The following CADPS variants were observed in gnomAD, a reference collection of about 807,000 sequenced individuals.
The protein encoded by CADPS is calcium-dependent secretion activator 1.
CADPS carries 57 observed loss-of-function variants against 167.3 expected under a neutral mutation model. The observed-to-expected ratio is 0.34, with a 90% CI of 0.28 to 0.42. The LOEUF is 0.42. CADPS is among the 20% of genes least tolerant of loss of function. CADPS has a pLI of 1.00. For synonymous variants in CADPS, 676 were observed against 635.3 expected (o/e 1.06, Z -0.96); for missense variants, 1,414 against 1,738.1 (o/e 0.81, Z 3.32).
intron 3 of CADPS, among the ~76,000 whole-genome samples, chr3:62,672,596 T>C (rs1286565151): frequency 6.6e-6 from 1 of 152,134 alleles, no homozygotes; most frequent in Non-Finnish European, 1.5e-5. Flanking sequence ...TGGCCCCTGG[T>C]CAATGTGAAT....
intron 1 of CADPS, among the ~76,000 whole-genome samples, chr3:62,803,770 C>T (rs543105506): frequency 6.6e-6 from 1 of 152,248 alleles, no homozygotes; most frequent in Admixed American, 6.5e-5. Context: ...TAAAAATCCT[C>T]TCGTTTTCCC....
intron 8 of CADPS, among the ~76,000 whole-genome samples, chr3:62,579,552 G>C (rs2082977551): frequency 6.6e-6 from 1 of 152,122 alleles, no homozygotes. Context: ...AGCGGGGCCA[G>C]GTAAGGCTTT....
At chr3:62,776,750 G>T (rs1288473158) in intron 1 of CADPS, among the ~76,000 whole-genome samples, 1 of 152,166 alleles carries the variant, frequency 6.6e-6, no homozygotes, top group African/African-American at 2.4e-5. Flanking sequence ...TTTCAGGCTT[G>T]CTGTGATATT....
intron 1 of CADPS, among the ~76,000 whole-genome samples, chr3:62,775,365 T>C (rs773852507): frequency 3.3e-5 from 5 of 152,160 alleles, no homozygotes; most frequent in African/African-American, 4.8e-5. Flanking sequence ...TAAGTGGTTT[T>C]ATTTTTTAAA....
chr3:62,831,866 G>A (rs1262572495), intron 1 of CADPS, among the ~76,000 whole-genome samples: 1 of 152,134 alleles, frequency 6.6e-6, no homozygotes, highest in Non-Finnish European at 1.5e-5. Flanking sequence ...ACCACGCAAT[G>A]TATTTGAATT....
At chr3:62,553,569 T>TA (rs1398265766) in intron 10 of CADPS, among the ~76,000 whole-genome samples, 1 of 152,184 alleles carries the variant, frequency 6.6e-6, no homozygotes, top group Non-Finnish European at 1.5e-5. Context: ...ACAGCTCTCT[T>TA]AAGAGTCATT....
intron 3 of CADPS, among the ~76,000 whole-genome samples, chr3:62,669,007 G>A (rs1050587478): frequency 2.6e-5 from 4 of 152,174 alleles, no homozygotes; most frequent in African/African-American, 4.8e-5. Flanking sequence ...TGCAGAAATC[G>A]GTAAAGACTG....
intron 1 of CADPS, among the ~76,000 whole-genome samples, chr3:62,863,567 C>T (rs1356927671): frequency 6.6e-6 from 1 of 152,102 alleles, no homozygotes; most frequent in Non-Finnish European, 1.5e-5. Context: ...CAATGGACAG[C>T]ACAGGGATGT....
rs1467302230 is a variant in CADPS, at chr3:62,433,295, A to G, written c.3777+4809T>C. Among the ~76,000 whole-genome samples the G allele has an allele frequency of 6.6e-6, 1 of 152,210 alleles. No homozygotes were observed. Among genetic ancestry groups the G allele is most frequent in the Non-Finnish European group, 1.5e-5 (1 of 68,038 alleles). ...TCACACTCAATTATTGTTCTGCCAC[A>G]CAAACTGGACAAATACACGATTTGA... On this transcript the variant is annotated intron_variant, in intron 28 of 29. Transcript: ENST00000383710. This position sits in a 1 kb window ranked among gnomAD's most constrained non-coding sequence, Gnocchi z 4.7.
At chr3:62,621,957 A>C (rs2063253660) in intron 6 of CADPS, among the ~76,000 whole-genome samples, 1 of 150,980 alleles carries the variant, frequency 6.6e-6, no homozygotes, top group Non-Finnish European at 1.5e-5. Flanking sequence ...TCCAGCAGTA[A>C]TGGCTCTTCA....
intron 3 of CADPS, among the ~76,000 whole-genome samples, chr3:62,749,508 A>C (rs2082232952): frequency 6.6e-6 from 1 of 152,226 alleles, no homozygotes; most frequent in Non-Finnish European, 1.5e-5. Flanking sequence ...TAAGGAGAAG[A>C]AGGTCCAGAA....
intron 4 of CADPS, among the ~76,000 whole-genome samples, chr3:62,660,118 A>G (rs2072807569): frequency 6.6e-6 from 1 of 151,958 alleles, no homozygotes; most frequent in Admixed American, 6.6e-5. Flanking sequence ...TGGCTCATCC[A>G]GGTTCTATTA....
intron 1 of CADPS, among the ~76,000 whole-genome samples, chr3:62,850,974 T>A (rs903675245): frequency 6.7e-6 from 1 of 149,348 alleles, no homozygotes; most frequent in South Asian, 2.2e-4. Context: ...TGGGTGCATA[T>A]ATATTTAGGA....
chr3:62,699,215 T>G (rs1355205353), intron 3 of CADPS, among the ~76,000 whole-genome samples: 5 of 151,888 alleles, frequency 3.3e-5, no homozygotes, highest in Non-Finnish European at 5.9e-5. Flanking sequence ...AAAAATCTGT[T>G]TTGTAGAGTC....
intron 6 of CADPS, among the ~76,000 whole-genome samples, chr3:62,598,558 C>A (rs1004602245): frequency 2.0e-5 from 3 of 152,166 alleles, no homozygotes; most frequent in African/African-American, 7.2e-5. Context: ...TTACTATGTG[C>A]TAGGCACAAA....
intron 17 of CADPS, among the ~76,000 whole-genome samples, chr3:62,511,803 G>T (rs2067897840): frequency 1.3e-5 from 2 of 152,220 alleles, no homozygotes; most frequent in Middle Eastern, 3.4e-3. Context: ...ACTCCATGAG[G>T]CTAATAGCCG....
chr3:62,700,440 T>C (rs192639422), intron 3 of CADPS, among the ~76,000 whole-genome samples: 11 of 152,272 alleles, frequency 7.2e-5, no homozygotes, highest in Admixed American at 2.6e-4. Flanking sequence ...GCATTGTGTT[T>C]GGTAATAGTA....
intron 11 of CADPS, among the ~76,000 whole-genome samples, chr3:62,542,321 T>C (rs185224366): frequency 9.2e-4 from 140 of 152,306 alleles, no homozygotes; most frequent in Admixed American, 1.8e-3. Flanking sequence ...TGTATTTCTC[T>C]TATACGGAAA....
In CADPS at chr3:62,848,028, AGTG is replaced by A. The variant is rs1170335783; in HGVS notation, c.441+26558_441+26560del. On this transcript the variant is annotated intron_variant, in intron 1 of 29. Transcript: ENST00000383710. ...TTTGATTTGCATTTCTCTGATGGCCAGTGATGATGAGCATTTTTTCATGTGTTT... is the reference window on the plus strand; with the variant it reads ...TTTGATTTGCATTTCTCTGATGGCCAATGATGAGCATTTTTTCATGTGTTT... Among the ~76,000 whole-genome samples the A allele has an allele frequency of 6.5e-3, 778 of 120,116 alleles. 44 individuals are homozygous for A. The highest frequency in any genetic ancestry group is 0.027 in the African/African-American group (720 of 26,502). The allele number at this position is 120,116 out of a possible 152,430, so 78.8% of individuals were successfully genotyped here. A position where few individuals can be genotyped will look rare whatever the true frequency, so the allele number is the denominator to read the frequency against.
Sources: allele counts gnomAD v4.1 joint callset (sites outside exome capture counted in the v4.1 genomes callset), GRCh38; gene constraint gnomAD v4.1.1; non-coding constraint Gnocchi (gnomAD v3.1); transcripts MANE v1.5; gene names NCBI Gene and HGNC (gene_info 2026-07-23, HGNC 2026-07-21).